The following ANKRD36C variants were observed in gnomAD, a reference collection of about 807,000 sequenced individuals.
ANKRD36C encodes the protein ankyrin repeat domain-containing protein 36C.
In ANKRD36C, 61 loss-of-function variants were observed where a neutral mutation model predicts 276.4. The observed-to-expected ratio is 0.22, with a 90% CI of 0.18 to 0.27. The LOEUF is 0.27. Among genes scored for constraint, ANKRD36C ranks in the 10% least tolerant of loss-of-function variants. ANKRD36C has a pLI of 1.00. For missense variants in ANKRD36C, 1,447 were observed against 2,032.3 expected (o/e 0.71, Z 5.54); for synonymous variants, 483 against 680.1 (o/e 0.71, Z 4.51).
intron 6 of ANKRD36C, among the ~76,000 whole-genome samples, chr2:95,974,059 A>G (rs1678755332): frequency 6.6e-6 from 1 of 151,872 alleles, no homozygotes; most frequent in African/African-American, 2.4e-5. Context: ...TCAAAAAAAA[A>G]AAAAAATCAA....
intron 64 of ANKRD36C, chr2:95,852,489 A>G (rs1488385233): frequency 1.1e-4 from 36 of 314,314 alleles, no homozygotes; most frequent in Non-Finnish European, 2.1e-4. Context: ...CTTAAATAAT[A>G]CTATCTGGCC....
chr2:95,915,662 C>T (rs1198238462), intron 38 of ANKRD36C, among the ~76,000 whole-genome samples: 1 of 151,470 alleles, frequency 6.6e-6, no homozygotes, highest in Non-Finnish European at 1.5e-5. Context: ...TACTTCCTCC[C>T]TTTCTCCTTA....
At chr2:95,979,199 A>T (rs1279670705) in intron 5 of ANKRD36C, among the ~76,000 whole-genome samples, 2 of 152,088 alleles carry the variant, frequency 1.3e-5, no homozygotes, top group Admixed American at 6.6e-5. Flanking sequence ...AAAAATCACA[A>T]TTCTAATATA....
intron 46 of ANKRD36C, 106 bp downstream of exon 66, chr2:95,891,559 G>A (rs938366080): frequency 3.0e-5 from 41 of 1,354,342 alleles, no homozygotes; most frequent in Non-Finnish European, 4.1e-5. Flanking sequence ...CAGGACTGCT[G>A]TATCAGAATG....
rs545871096 is a variant in ANKRD36C, at chr2:95,895,859, T to G, written c.2755+3286A>C. Among the ~76,000 whole-genome samples, 18 of 151,120 alleles carry G rather than the reference T, an allele frequency of 1.2e-4. 1 individual carries two copies. In the South Asian group the frequency reaches 3.5e-3, roughly 30 times the overall value. The stretch of plus-strand genomic sequence containing the variant: ...AAATAAAACCGTGTCAATATCAATG[T>G]GGATATGATGAGCGATGAGGACAAA... On this transcript the variant is annotated intron_variant, in intron 44 of 66. Transcript: ENST00000456556.
intron 46 of ANKRD36C, 141 bp from the exon 67 acceptor site, chr2:95,890,135 C>T: frequency 8.6e-7 from 1 of 1,162,470 alleles, no homozygotes; most frequent in Non-Finnish European, 1.2e-6. Flanking sequence ...GTGTCGGGGA[C>T]AAGAACATGA....
chr2:95,861,499 A>AT (rs1359676310), intron 60 of ANKRD36C, among the ~76,000 whole-genome samples: 3 of 151,860 alleles, frequency 2.0e-5, no homozygotes, highest in Non-Finnish European at 4.4e-5. Flanking sequence ...TATCATTGTC[A>AT]TTTTTTATAC....
exon 32 of ANKRD36C, chr2:95,923,499 C>T: frequency 1.9e-6 from 3 of 1,610,782 alleles, no homozygotes; most frequent in Non-Finnish European, 2.5e-6. Context: ...AATTACCTGT[C>T]CCACATTGTA....
At chr2:95,987,586 A>G (rs577860009) in intron 1 of ANKRD36C, among the ~76,000 whole-genome samples, 1 of 145,398 alleles carries the variant, frequency 6.9e-6, no homozygotes, top group Non-Finnish European at 1.5e-5. Flanking sequence ...TAATTTTTAG[A>G]TATTACTACT....
At chr2:95,863,780 A>G (rs141158929) in intron 60 of ANKRD36C, among the ~76,000 whole-genome samples, 300 of 152,308 alleles carry the variant, frequency 2.0e-3, no homozygotes, top group Non-Finnish European at 3.3e-3. Flanking sequence ...TGATCAGGAA[A>G]AGGCAAAACT....
chr2:95,971,830 T>C (rs535016179), intron 6 of ANKRD36C, among the ~76,000 whole-genome samples: 35 of 152,310 alleles, frequency 2.3e-4, no homozygotes, highest in Non-Finnish European at 2.8e-4. Flanking sequence ...CTAACCATTT[T>C]ACTGAAAGGT....
intron 16 of ANKRD36C, among the ~76,000 whole-genome samples, chr2:95,950,185 G>A (rs987892530): frequency 6.6e-6 from 1 of 152,302 alleles, no homozygotes; most frequent in African/African-American, 2.4e-5. Flanking sequence ...TTCTAGGACT[G>A]GCCTGGTCTT....
intron 12 of ANKRD36C, among the ~76,000 whole-genome samples, chr2:95,958,309 A>G (rs1226077432): frequency 6.6e-6 from 1 of 152,010 alleles, no homozygotes; most frequent in Non-Finnish European, 1.5e-5. Flanking sequence ...TGTAGAATTA[A>G]AGCAAAATTA....
chr2:95,937,228 A>C (rs1677742868), intron 22 of ANKRD36C, among the ~76,000 whole-genome samples: 1 of 152,304 alleles, frequency 6.6e-6, no homozygotes, highest in African/African-American at 2.4e-5. Flanking sequence ...TAATTTTAAA[A>C]CTTCTGCAAT....
chr2:95,915,379 C>T (rs1677061827), intron 38 of ANKRD36C, among the ~76,000 whole-genome samples: 1 of 151,454 alleles, frequency 6.6e-6, no homozygotes, highest in African/African-American at 2.4e-5. Context: ...TTCCTGCTTC[C>T]AGAAATTGCT....
chr2:95,954,968 T>G (rs1207793192), intron 13 of ANKRD36C, among the ~76,000 whole-genome samples: 1 of 152,240 alleles, frequency 6.6e-6, no homozygotes, highest in Non-Finnish European at 1.5e-5. Flanking sequence ...CTAACATAAT[T>G]GAGAGTAGGA....
intron 1 of ANKRD36C, among the ~76,000 whole-genome samples, chr2:95,990,501 T>G (rs1387386282): frequency 6.6e-6 from 1 of 152,218 alleles, no homozygotes; most frequent in Non-Finnish European, 1.5e-5. Flanking sequence ...CACATTTTCA[T>G]ATCTAGAAAG....
At chr2:95,902,352 T>A (rs888604567) in intron 42 of ANKRD36C, among the ~76,000 whole-genome samples, 35 of 149,132 alleles carry the variant, frequency 2.3e-4, no homozygotes, top group Non-Finnish European at 4.2e-4. Context: ...CTGAAGTGAG[T>A]TCACTCAGGT....
chr2:95,966,859 C>G (rs1180693030), intron 6 of ANKRD36C, among the ~76,000 whole-genome samples: 2 of 152,006 alleles, frequency 1.3e-5, no homozygotes, highest in African/African-American at 4.8e-5. Flanking sequence ...TTGTAGTTCT[C>G]CTTAAAGAGG....
Sources: gnomAD v4.1 joint callset for allele counts (sites outside exome capture counted in the v4.1 genomes callset) on GRCh38, gnomAD v4.1.1 for gene constraint, MANE v1.5 for transcripts, NCBI Gene and HGNC (gene_info 2026-07-23, HGNC 2026-07-21) for gene names.